CCDC15: variants seen among roughly 807,000 people sequenced by gnomAD.
CCDC15 encodes coiled-coil domain containing 15.
CCDC15 carries 105 observed loss-of-function variants against 114.5 expected under a neutral mutation model. That is an observed-to-expected ratio of 0.92 (90% CI 0.78 to 1.08). The LOEUF (loss-of-function observed/expected upper bound fraction) is 1.08. CCDC15 is among the 50% of genes least tolerant of loss of function. CCDC15 has a pLI of 0.00. For missense variants in CCDC15, 1,105 were observed against 1,093.6 expected (o/e 1.01, Z -0.15); for synonymous variants, 334 against 377.8 (o/e 0.88, Z 1.34).
At chr11:125,033,762 T>C (rs1049016451) in intron 13 of CCDC15, among the ~76,000 whole-genome samples, 1 of 152,178 alleles carries the variant, frequency 6.6e-6, no homozygotes, top group African/African-American at 2.4e-5. Flanking sequence ...TATTAGAATC[T>C]TTTTTAACTC....
chr11:124,976,074 CATTA>C (rs1363932576), intron 5 of CCDC15, among the ~76,000 whole-genome samples: 2 of 151,380 alleles, frequency 1.3e-5, no homozygotes, highest in Non-Finnish European at 2.9e-5. Flanking sequence ...TAAAATAGAC[CATTA>C]ATTTATTTTT....
chr11:124,999,471 T>C (rs1025014345), intron 11 of CCDC15, among the ~76,000 whole-genome samples: 2 of 152,130 alleles, frequency 1.3e-5, no homozygotes, highest in Non-Finnish European at 2.9e-5. Context: ...TTCAGTCTTA[T>C]TTTTTCTCTT....
At chr11:125,007,898 G>T (rs976122819) in intron 13 of CCDC15, among the ~76,000 whole-genome samples, 1 of 152,152 alleles carries the variant, frequency 6.6e-6, no homozygotes. Context: ...CAGGTCGTTT[G>T]GTTCTATACC....
intron 4 of CCDC15, among the ~76,000 whole-genome samples, chr11:124,966,661 T>C (rs1291197355): frequency 6.6e-6 from 1 of 152,240 alleles, no homozygotes; most frequent in Non-Finnish European, 1.5e-5. Flanking sequence ...AATATTGTTA[T>C]GTGTGAATTT....
rs925038669 is a variant in CCDC15 at position 124,973,969 on chromosome 11, A to G, written c.517-1127A>G. Among the ~76,000 whole-genome samples the G allele has an allele frequency of 3.9e-5, 6 of 151,972 alleles. No individual in the cohort carries two copies. The East Asian group carries it at 1.2e-3, about 30-fold the overall frequency. On this transcript the variant is annotated intron_variant, in intron 4 of 15. Coordinates refer to ENST00000344762, the MANE Select transcript of CCDC15 (RefSeq NM_025004.3). ...ATACAGTGCTTATCTTTATTTTTCA[A>G]TTTTAATTTTAATTTATTTATTTTT...
intron 6 of CCDC15, among the ~76,000 whole-genome samples, chr11:124,980,923 C>G (rs1948063508): frequency 6.6e-6 from 1 of 152,182 alleles, no homozygotes; most frequent in African/African-American, 2.4e-5. Flanking sequence ...CCTCTTAACA[C>G]TGCTTTGGCT....
At chr11:124,978,324 T>C (rs984834253) in intron 6 of CCDC15, among the ~76,000 whole-genome samples, 1 of 152,180 alleles carries the variant, frequency 6.6e-6, no homozygotes, top group Admixed American at 6.5e-5. Flanking sequence ...GATGAAAATA[T>C]GTGTGCATGT....
intron 13 of CCDC15, among the ~76,000 whole-genome samples, chr11:125,033,913 A>G (rs1485271626): frequency 2.0e-5 from 3 of 152,158 alleles, no homozygotes; most frequent in Non-Finnish European, 4.4e-5. Flanking sequence ...ATTTCTGCTT[A>G]TATAAATTAG....
intron 13 of CCDC15, among the ~76,000 whole-genome samples, chr11:125,012,485 GAAAC>G (rs1266363899): frequency 6.6e-6 from 1 of 152,162 alleles, no homozygotes; most frequent in East Asian, 1.9e-4. Flanking sequence ...GGGAGGATGA[GAAAC>G]AAACATATTC....
intron 13 of CCDC15, among the ~76,000 whole-genome samples, chr11:125,028,871 GA>G (rs1731266116): frequency 6.6e-6 from 1 of 152,068 alleles, no homozygotes; most frequent in Non-Finnish European, 1.5e-5. Flanking sequence ...GGGTTCTCTA[GA>G]GGGACAGAAC....
At chr11:125,026,981 T>TA (rs1948707747) in intron 13 of CCDC15, among the ~76,000 whole-genome samples, 1 of 152,180 alleles carries the variant, frequency 6.6e-6, no homozygotes, top group African/African-American at 2.4e-5. Flanking sequence ...AGTGAAAACA[T>TA]ACAATATTTG....
intron 10 of CCDC15, 82 bp downstream of exon 10, chr11:124,992,769 C>T (rs1187373291): frequency 2.7e-6 from 2 of 750,820 alleles, no homozygotes; most frequent in African/African-American, 3.6e-5. Flanking sequence ...AGGCTGAAGC[C>T]TGTCAAGCTA....
intron 11 of CCDC15, among the ~76,000 whole-genome samples, chr11:125,001,325 A>G (rs747306755): frequency 2.6e-5 from 4 of 152,266 alleles, no homozygotes; most frequent in Admixed American, 6.5e-5. Flanking sequence ...CAAAAGCACC[A>G]TAAGTATTGG....
intron 13 of CCDC15, among the ~76,000 whole-genome samples, chr11:125,033,231 A>G (rs1948753164): frequency 6.6e-6 from 1 of 152,190 alleles, no homozygotes; most frequent in Admixed American, 6.5e-5. Context: ...GTAGGAATGC[A>G]GTAGGATTCC....
intron 13 of CCDC15, among the ~76,000 whole-genome samples, chr11:125,036,195 C>T (rs1374129205): frequency 3.1e-5 from 4 of 127,960 alleles, no homozygotes; most frequent in African/African-American, 1.2e-4. Flanking sequence ...TTTTGTTTGT[C>T]TGGGAAAGTC....
intron 13 of CCDC15, among the ~76,000 whole-genome samples, chr11:125,032,805 A>C (rs1321235513): frequency 6.6e-6 from 1 of 152,138 alleles, no homozygotes; most frequent in Admixed American, 6.5e-5. Context: ...CACTGGACCC[A>C]CTGTAAGTCA....
Position 125,005,230 on chromosome 11 carries a change from C to A in CCDC15, c.2411+18C>A. The A allele has an allele frequency of 9.2e-7, 1 of 1,091,370 alleles. No homozygotes were observed. Among genetic ancestry groups the A allele is most frequent in the Non-Finnish European group, 1.3e-6 (1 of 744,204 alleles). 67.6% of individuals were successfully genotyped at this position (1,091,370 alleles called of 1,614,324 possible). On this transcript the variant is annotated intron_variant, in intron 13 of 15. Transcript: ENST00000344762. ...ATTGAAAAGTAAGTTATTCGATCTG[C>A]TCTGTGAGCCTTAAATTGCCAATTA...
intron 8 of CCDC15, among the ~76,000 whole-genome samples, chr11:124,989,140 A>C (rs189711758): frequency 1.1e-4 from 17 of 152,374 alleles, no homozygotes; most frequent in Middle Eastern, 3.4e-3. Flanking sequence ...TTGAAAGTCA[A>C]AATTATTTCT....
rs1051991230 is a variant in CCDC15 at position 125,029,280 on chromosome 11, G to A, written c.2412-9151G>A. 9.9e-5 allele frequency among the ~76,000 whole-genome samples: 15 copies of A among 152,180 alleles called. No homozygotes were observed. In the South Asian group the frequency reaches 1.0e-3, roughly 11 times the overall value. On this transcript the variant is annotated intron_variant, in intron 13 of 15. Coordinates refer to ENST00000344762, the MANE Select transcript of CCDC15 (RefSeq NM_025004.3). ...TTCTATCCAATCAAGTTGACACTCC[G>A]TATTAACCATCACAAGTCTACCACT... is the stretch of plus-strand genomic sequence containing the variant.
Sources: allele counts gnomAD v4.1 joint callset (sites outside exome capture counted in the v4.1 genomes callset), GRCh38; gene constraint gnomAD v4.1.1; transcripts MANE v1.5; gene names NCBI Gene and HGNC (gene_info 2026-07-23, HGNC 2026-07-21).